The following ASRGL1 variants were observed in gnomAD, a reference collection of about 807,000 sequenced individuals.
The protein encoded by ASRGL1 is isoaspartyl peptidase/L-asparaginase.
Under a neutral mutation model 22.4 loss-of-function variants are expected in ASRGL1, and 16 were observed. The ratio of observed to expected loss-of-function variants is 0.71; its 90% CI spans 0.48 to 1.08. The LOEUF is 1.08. Among genes scored for constraint, ASRGL1 ranks in the 50% least tolerant of loss-of-function variants. ASRGL1 has a pLI of 0.00. For synonymous variants in ASRGL1, 165 were observed against 159.3 expected, an observed-to-expected ratio of 1.04 and a Z score of -0.27; for missense variants, 412 against 410.1, an observed-to-expected ratio of 1.00 and a Z score of -0.04.
intron 2 of ASRGL1, among the ~76,000 whole-genome samples, chr11:62,355,511 G>A (rs570672031): frequency 1.9e-4 from 29 of 152,082 alleles, no homozygotes; most frequent in Admixed American, 1.4e-3. Flanking sequence ...GGCATAAGCC[G>A]CTGTGCCCGG....
intron 4 of ASRGL1, among the ~76,000 whole-genome samples, chr11:62,369,767 G>T (rs1946714893): frequency 6.6e-6 from 1 of 151,974 alleles, no homozygotes; most frequent in Non-Finnish European, 1.5e-5. Flanking sequence ...CTTCCCTGTG[G>T]GTGGCGTCTA....
At chr11:62,384,203 C>T (rs1947149083) in intron 4 of ASRGL1, among the ~76,000 whole-genome samples, 2 of 151,664 alleles carry the variant, frequency 1.3e-5, no homozygotes, top group South Asian at 2.1e-4. Flanking sequence ...TGCAAGACTC[C>T]GTCTCAAAAA....
intron 4 of ASRGL1, among the ~76,000 whole-genome samples, chr11:62,362,891 A>ATTTTTTTTTTTTTTT (rs60507577): frequency 4.0e-5 from 2 of 50,366 alleles, no homozygotes; most frequent in African/African-American, 9.7e-5. Flanking sequence ...AAAGGATTTA[A>ATTTTTTTTTTTTTTT]TTTTTTTTTT....
chr11:62,368,259 C>T (rs917259485), intron 4 of ASRGL1, among the ~76,000 whole-genome samples: 1 of 152,066 alleles, frequency 6.6e-6, no homozygotes, highest in African/African-American at 2.4e-5. Context: ...TAGGCGAAAA[C>T]AGTGTTGAGG....
intron 5 of ASRGL1, among the ~76,000 whole-genome samples, chr11:62,390,477 G>A (rs905311324): frequency 1.2e-4 from 18 of 152,166 alleles, no homozygotes; most frequent in African/African-American, 3.9e-4. Flanking sequence ...TCACACGCCC[G>A]ATGCCTGTGC....
At chr11:62,344,324 A>G (rs1392978053) in intron 2 of ASRGL1, among the ~76,000 whole-genome samples, 4 of 152,232 alleles carry the variant, frequency 2.6e-5, no homozygotes, top group Non-Finnish European at 1.5e-5. Context: ...GTGTCAATGC[A>G]GAAAAATCAG....
rs965864497 is a variant in ASRGL1 at position 62,352,259 on chromosome 11, A to G, written c.191-4066A>G. Among the ~76,000 whole-genome samples, 3 of 152,160 alleles carry G rather than the reference A, an allele frequency of 2.0e-5. No homozygotes were observed. The South Asian group carries it at 6.2e-4, about 32-fold the overall frequency. ...GAAGAGGTCATGGAGCAGTGAGCAC[A>G]CAGGGAGATAGTAACCACCTACAAG... is the stretch of plus-strand genomic sequence containing the variant. On this transcript the variant is annotated intron_variant, in intron 2 of 6. Coordinates refer to ENST00000415229, the MANE Select transcript of ASRGL1 (RefSeq NM_001083926.2).
downstream of ASRGL1, among the ~76,000 whole-genome samples, chr11:62,394,789 T>C (rs1166938773): frequency 1.3e-5 from 2 of 152,132 alleles, no homozygotes; most frequent in African/African-American, 4.8e-5. Flanking sequence ...GTCAGCCCCT[T>C]TGTGCAAAGC....
At chr11:62,362,543 AATATATAACATATATTATTT>A in intron 4 of ASRGL1, among the ~76,000 whole-genome samples, 1 of 40,794 alleles carries the variant, frequency 2.5e-5, no homozygotes, top group Non-Finnish European at 4.4e-5. Context: ...TATTATATAA[AATATATAACATATATTATTT>A]ATATAATATA....
chr11:62,348,348 G>T (rs1946082261), intron 2 of ASRGL1, among the ~76,000 whole-genome samples: 1 of 152,168 alleles, frequency 6.6e-6, no homozygotes, highest in East Asian at 1.9e-4. Flanking sequence ...TTTTTCAAAA[G>T]CAGTTTAGGG....
chr11:62,396,769 G>T (rs1331060721), downstream of ASRGL1, among the ~76,000 whole-genome samples: 1 of 68,434 alleles, frequency 1.5e-5, no homozygotes, highest in African/African-American at 5.3e-5. Context: ...CCAGCCTGGG[G>T]TGATTTTTTT....
At chr11:62,356,250 G>A (rs1346473411) in intron 2 of ASRGL1, 75 bp from the exon 3 acceptor site, 7 of 1,556,424 alleles carry the variant, frequency 4.5e-6, no homozygotes, top group Non-Finnish European at 5.3e-6. Context: ...CGGGCGGGGG[G>A]CTGACCCCCC....
At chr11:62,375,619 C>T (rs1367446371) in intron 4 of ASRGL1, among the ~76,000 whole-genome samples, 1 of 151,686 alleles carries the variant, frequency 6.6e-6, no homozygotes, top group East Asian at 1.9e-4. Flanking sequence ...ATCATTCCTT[C>T]TTCCTCAGGT....
At chr11:62,364,994 A>G (rs1242578899) in intron 4 of ASRGL1, among the ~76,000 whole-genome samples, 2 of 149,966 alleles carry the variant, frequency 1.3e-5, no homozygotes, top group Admixed American at 6.7e-5. Flanking sequence ...GCTTGAACCT[A>G]GGAGGCAGAG....
chr11:62,374,304 G>T (rs756675508), intron 4 of ASRGL1, among the ~76,000 whole-genome samples: 1 of 152,176 alleles, frequency 6.6e-6, no homozygotes, highest in Non-Finnish European at 1.5e-5. Context: ...CAAGCTAGCC[G>T]CTGTGTGCAC....
intron 4 of ASRGL1, chr11:62,371,205 G>T (rs1315011602): frequency 3.3e-5 from 41 of 1,253,362 alleles, no homozygotes; most frequent in Non-Finnish European, 4.2e-5. Flanking sequence ...CCCACGCCAG[G>T]GCCCAGGAAA....
In ASRGL1 at chr11:62,392,417, GC is replaced by G; in HGVS notation, c.*134del. 1 of 1,056,576 alleles carries G rather than the reference GC, an allele frequency of 9.5e-7. No homozygotes were observed. The highest frequency in any genetic ancestry group is 1.5e-5 in the South Asian group (1 of 65,048). The allele number at this position is 1,056,576 out of a possible 1,614,324, so 65.5% of individuals were successfully genotyped here. A position where few individuals can be genotyped will look rare whatever the true frequency, so the allele number is the denominator to read the frequency against. On this transcript the variant is annotated 3_prime_UTR_variant, in exon 7 of 7. Transcript: ENST00000415229. ...GTCACTTGTTTTGTTGCCTTAATAA[GC>G]ATCTGAATGTTTGGTTGTGGGGCGG...
chr11:62,356,037 G>A (rs181029081), intron 2 of ASRGL1, among the ~76,000 whole-genome samples: 271 of 152,290 alleles, frequency 1.8e-3, no homozygotes, highest in African/African-American at 5.9e-3. Context: ...ACACAGACAC[G>A]GCAACCATCC....
rs530545668 is a variant in ASRGL1, at chr11:62,376,262, G to A, written c.492-12871G>A. 2.8e-3 allele frequency among the ~76,000 whole-genome samples: 429 copies of A among 150,804 alleles called. 4 individuals are homozygous for A. Among genetic ancestry groups the A allele is most frequent in the Non-Finnish European group, 2.9e-3 (196 of 67,852 alleles). Reference sequence around the variant, plus strand: ...CGCTTTCTTGGTGGATGGCAACTTCGTCTGTTCTTCTGACATCACCATTCT... The same window carrying A: ...CGCTTTCTTGGTGGATGGCAACTTCATCTGTTCTTCTGACATCACCATTCT... On this transcript the variant is annotated intron_variant, in intron 4 of 6. Coordinates refer to ENST00000415229, the MANE Select transcript of ASRGL1 (RefSeq NM_001083926.2).
Sources: gnomAD v4.1 joint callset for allele counts (sites outside exome capture counted in the v4.1 genomes callset) on GRCh38, gnomAD v4.1.1 for gene constraint, MANE v1.5 for transcripts, NCBI Gene and HGNC (gene_info 2026-07-23, HGNC 2026-07-21) for gene names.